The following TRAM2 variants were observed in gnomAD, a reference collection of about 807,000 sequenced individuals.
The protein encoded by TRAM2 is translocating chain-associated membrane protein 2.
TRAM2 carries 12 observed loss-of-function variants against 51.0 expected under a neutral mutation model. The observed-to-expected ratio is 0.24, with a 90% CI of 0.15 to 0.38. TRAM2 has a LOEUF of 0.38. Among genes scored for constraint, TRAM2 ranks in the 10% least tolerant of loss-of-function variants. TRAM2 has a pLI of 1.00. For missense variants in TRAM2, 361 were observed against 462.0 expected (o/e 0.78, Z 2.00); for synonymous variants, 175 against 179.4 (o/e 0.98, Z 0.20).
chr6:52,560,723 T>C (rs1767484708), intron 1 of TRAM2, among the ~76,000 whole-genome samples: 5 of 152,192 alleles, frequency 3.3e-5, no homozygotes, highest in Admixed American at 3.3e-4. Flanking sequence ...TTATCAAATA[T>C]AACTCTCAAT....
intron 1 of TRAM2, among the ~76,000 whole-genome samples, chr6:52,565,709 C>T (rs114137403): frequency 0.011 from 1,668 of 152,362 alleles, 22 homozygotes; most frequent in African/African-American, 0.036. Context: ...TACTTACTGA[C>T]ACCTTCATCA....
chr6:52,510,942 T>C lies in TRAM2; in HGVS notation c.412-1356A>G, dbSNP rs565013072. Among the ~76,000 whole-genome samples, 91 of 152,256 alleles carry C rather than the reference T, an allele frequency of 6.0e-4. 1 individual carries two copies. In the South Asian group the frequency reaches 7.1e-3, roughly 12 times the overall value. On this transcript the variant is annotated intron_variant, in intron 4 of 10. Coordinates refer to ENST00000182527, the MANE Select transcript of TRAM2 (RefSeq NM_012288.4). ...CAGGAGTGCAATACACACCAGTTGG[T>C]TGAATGAATGAATGATGAATGCTTT...
chr6:52,550,115 G>A lies in TRAM2; in HGVS notation c.121-14269C>T, dbSNP rs528338877. ...GGAGTACTTCAGTGGGCTTCCGATG[G>A]AATCTGCAGAACATGAGAGAGCATG... On this transcript the variant is annotated intron_variant, in intron 1 of 10. Transcript: ENST00000182527. 4.6e-5 allele frequency among the ~76,000 whole-genome samples: 7 copies of A among 152,224 alleles called. 1 individual carries two copies. The South Asian group carries it at 6.2e-4, about 14-fold the overall frequency.
intron 1 of TRAM2, among the ~76,000 whole-genome samples, chr6:52,561,533 T>A (rs1581701152): frequency 6.6e-6 from 1 of 151,136 alleles, no homozygotes; most frequent in African/African-American, 2.4e-5. Context: ...TCGCCCAGGC[T>A]GGAGTGCAGT....
intron 1 of TRAM2, among the ~76,000 whole-genome samples, chr6:52,540,747 C>G (rs982686883): frequency 6.6e-6 from 1 of 152,188 alleles, no homozygotes; most frequent in East Asian, 1.9e-4. Context: ...CCAATTATTT[C>G]TCATCCCTCT....
At chr6:52,528,886 C>CTTTTTT (rs144917424) in intron 2 of TRAM2, among the ~76,000 whole-genome samples, 1 of 128,516 alleles carries the variant, frequency 7.8e-6, no homozygotes, top group African/African-American at 2.9e-5. Flanking sequence ...GTGTACATGA[C>CTTTTTT]TTTTTTTTTT....
chr6:52,501,098 C>G lies in TRAM2; in HGVS notation c.*2099G>C, dbSNP rs972020389. On this transcript the variant is annotated 3_prime_UTR_variant, in exon 11 of 11. Coordinates refer to ENST00000182527, the MANE Select transcript of TRAM2 (RefSeq NM_012288.4). The stretch of plus-strand genomic sequence containing the variant: ...CTAAAGTGGCTAAGGGATCCCATAT[C>G]AGGTCTGCTGTGTTGAAACCAAACT... The G allele has an allele frequency of 2.0e-5, 3 of 152,240 alleles. No individual in the cohort carries two copies. The highest frequency in any genetic ancestry group is 1.3e-4 in the Admixed American group (2 of 15,282). 9.4% of individuals were successfully genotyped at this position (152,240 alleles called of 1,614,324 possible).
At chr6:52,548,923 T>C (rs1361546408) in intron 1 of TRAM2, among the ~76,000 whole-genome samples, 1 of 152,176 alleles carries the variant, frequency 6.6e-6, no homozygotes, top group African/African-American at 2.4e-5. Context: ...GTTAGTGCCC[T>C]GGGTTTGGAG....
At chr6:52,539,347 G>GCACA (rs1179843856) in intron 1 of TRAM2, among the ~76,000 whole-genome samples, 1 of 152,322 alleles carries the variant, frequency 6.6e-6, no homozygotes, top group Middle Eastern at 3.4e-3. Flanking sequence ...TTGCAGCTCT[G>GCACA]CACATCTCTG....
intron 1 of TRAM2, among the ~76,000 whole-genome samples, chr6:52,573,980 A>G (rs1462516055): frequency 6.6e-6 from 1 of 152,160 alleles, no homozygotes; most frequent in Non-Finnish European, 1.5e-5. Context: ...CAGCTTCCGA[A>G]TGAAGGAATC....
intron 2 of TRAM2, among the ~76,000 whole-genome samples, chr6:52,519,219 G>A (rs1678555331): frequency 6.6e-6 from 1 of 152,174 alleles, no homozygotes; most frequent in Non-Finnish European, 1.5e-5. Context: ...GAGCTTAGCG[G>A]GTACACACCA....
At chr6:52,507,720 C>G (rs1049417243) in intron 6 of TRAM2, 97 bp from the exon 7 acceptor site, 1 of 1,166,024 alleles carries the variant, frequency 8.6e-7, no homozygotes, top group Admixed American at 2.0e-5. Context: ...GGGCCAGGCT[C>G]CTCTGGGCTG....
At chr6:52,559,962 C>T (rs555804010) in intron 1 of TRAM2, among the ~76,000 whole-genome samples, 16 of 152,078 alleles carry the variant, frequency 1.1e-4, no homozygotes, top group East Asian at 1.9e-4. Flanking sequence ...ACATATAGGC[C>T]GGGTGCGGTG....
In TRAM2 at chr6:52,535,866, A is replaced by C; in HGVS notation, c.121-20T>G. On this transcript the variant is annotated intron_variant, in intron 1 of 10. Transcript: ENST00000182527. The stretch of plus-strand genomic sequence containing the variant: ...TGTGACCTGTAAAACAAAGGAAAAG[A>C]GTTCCAGTTTAGCTTTTGGCCACAT... The C allele has an allele frequency of 6.2e-7, 1 of 1,611,238 alleles. No individual in the cohort carries two copies. The highest frequency in any genetic ancestry group is 1.1e-5 in the South Asian group (1 of 90,896).
At chr6:52,532,842 C>T (rs1033518481) in intron 2 of TRAM2, among the ~76,000 whole-genome samples, 28 of 152,070 alleles carry the variant, frequency 1.8e-4, no homozygotes, top group African/African-American at 6.0e-4. Flanking sequence ...TATTCCAAAA[C>T]GTTCTAACTT....
At position 52,530,066 on chromosome 6, in the gene TRAM2, T is replaced by TA. The variant is rs1343231896; in HGVS notation, c.184+5716_184+5717insT. On this transcript the variant is annotated intron_variant, in intron 2 of 10. Transcript: ENST00000182527. ...GAATTTCAGATGAATGATGATTAAT[T>TA]TTCTAGTATAATGCTATCTCATACA... Among the ~76,000 whole-genome samples the TA allele has an allele frequency of 2.6e-5, 4 of 152,236 alleles. No individual in the cohort carries two copies. The East Asian group carries it at 7.7e-4, about 29-fold the overall frequency.
At chr6:52,534,508 C>T (rs900027628) in intron 2 of TRAM2, among the ~76,000 whole-genome samples, 18 of 152,190 alleles carry the variant, frequency 1.2e-4, no homozygotes, top group African/African-American at 4.1e-4. Flanking sequence ...GAGCGATACT[C>T]TGGTGCTGGT....
In TRAM2 at chr6:52,516,414, T is replaced by C; in HGVS notation, c.294+214A>G. The C allele has an allele frequency of 6.7e-6, 4 of 599,706 alleles. No homozygotes were observed. The South Asian group carries it at 8.0e-5, about 12-fold the overall frequency. The allele number at this position is 599,706 out of a possible 1,614,324, so 37.1% of individuals were successfully genotyped here. A position where few individuals can be genotyped will look rare whatever the true frequency, so the allele number is the denominator to read the frequency against. ...GACACCATCTCCAGACAGCTTTCTCTCTGTGTAATAAATACTGCTGTCCCA... is the reference window on the plus strand; with the variant it reads ...GACACCATCTCCAGACAGCTTTCTCCCTGTGTAATAAATACTGCTGTCCCA... On this transcript the variant is annotated intron_variant, in intron 3 of 10. Coordinates refer to ENST00000182527, the MANE Select transcript of TRAM2 (RefSeq NM_012288.4).
chr6:52,503,153 G>T lies in TRAM2; in HGVS notation c.*44C>A. ...AGGGGGCCTGGGCTCCTTGCCCCCT[G>T]CTCGGCCCCCACCAAGAGGATTCCT... On this transcript the variant is annotated 3_prime_UTR_variant, in exon 11 of 11. Coordinates refer to ENST00000182527, the MANE Select transcript of TRAM2 (RefSeq NM_012288.4). The T allele has an allele frequency of 1.3e-6, 2 of 1,551,826 alleles. No homozygotes were observed. Among genetic ancestry groups the T allele is most frequent in the Non-Finnish European group, 1.8e-6 (2 of 1,124,200 alleles).
Sources: allele counts gnomAD v4.1 joint callset (sites outside exome capture counted in the v4.1 genomes callset), GRCh38; gene constraint gnomAD v4.1.1; transcripts MANE v1.5; gene names NCBI Gene and HGNC (gene_info 2026-07-23, HGNC 2026-07-21).